Variants in DACH2 observed in about 807,000 individuals in gnomAD.
The protein encoded by DACH2 is dachshund family transcription factor 2, also known as dachshund homolog 2.
Under a neutral mutation model 35.8 loss-of-function variants are expected in DACH2, and 17 were observed. The observed-to-expected ratio is 0.48, with a 90% CI of 0.33 to 0.71. DACH2 has a LOEUF of 0.71. Among genes scored for constraint, DACH2 ranks in the 30% least tolerant of loss-of-function variants. The pLI is 0.02. For missense variants in DACH2, 469 were observed against 472.7 expected, an observed-to-expected ratio of 0.99 and a Z score of 0.07; for synonymous variants, 195 against 177.3, an observed-to-expected ratio of 1.10 and a Z score of -0.79.
intron 2 of DACH2, among the ~76,000 whole-genome samples, chrX:86,437,903 C>CAA: frequency 9.3e-6 from 1 of 107,264 alleles, no homozygotes; most frequent in South Asian, 4.1e-4. Flanking sequence ...ATTTTAGATT[C>CAA]AAGGGTAAAT....
intron 3 of DACH2, among the ~76,000 whole-genome samples, chrX:86,625,180 A>G (rs1389019474): frequency 1.9e-5 from 2 of 106,260 alleles, no homozygotes; most frequent in Non-Finnish European, 3.9e-5. Context: ...TCATTCAACT[A>G]TCCCATATCT....
Position 86,294,217 on chromosome X carries a change from G to A in DACH2, c.489-82607G>A, listed in dbSNP as rs1390646896. Among the ~76,000 whole-genome samples the A allele has an allele frequency of 1.4e-3, 157 of 111,170 alleles. 1 individual carries two copies. Among genetic ancestry groups the A allele is most frequent in the South Asian group, 4.2e-3 (11 of 2,606 alleles). On this transcript the variant is annotated intron_variant, in intron 1 of 11. Coordinates refer to ENST00000373125, the MANE Select transcript of DACH2 (RefSeq NM_053281.3). ...ACGCTTTCTTCCAGTTGATTGCATC[G>A]GCTCCTGAGGCTTCTGCATTCTTCA...
chrX:86,823,031 C>A (rs1008020180), intron 11 of DACH2, among the ~76,000 whole-genome samples: 2 of 111,137 alleles, frequency 1.8e-5, no homozygotes, highest in Admixed American at 1.9e-4. Context: ...CGGCTCACTG[C>A]GACCTCTGCC....
At chrX:86,455,806 A>G (rs2037464840) in intron 2 of DACH2, among the ~76,000 whole-genome samples, 1 of 112,273 alleles carries the variant, frequency 8.9e-6, no homozygotes, top group South Asian at 3.7e-4. Context: ...CCCACAGAAC[A>G]ATGCTGCTTG....
At chrX:86,246,689 C>G (rs149810981) in intron 1 of DACH2, among the ~76,000 whole-genome samples, 1,667 of 112,097 alleles carry the variant, frequency 0.015, 21 homozygotes, top group Middle Eastern at 0.041. Context: ...GGAAATGAGA[C>G]AGTTACCAGC....
At chrX:86,791,077 T>C (rs2042182777) in intron 7 of DACH2, among the ~76,000 whole-genome samples, 1 of 111,479 alleles carries the variant, frequency 9.0e-6, no homozygotes, top group Admixed American at 9.6e-5. Context: ...ATAAAGGTCT[T>C]CAACCTTACT....
chrX:86,224,488 C>T (rs187219725), intron 1 of DACH2, among the ~76,000 whole-genome samples: 1 of 111,201 alleles, frequency 9.0e-6, no homozygotes, highest in East Asian at 2.8e-4. Context: ...ACCCAAATTA[C>T]TTAGAAATTT....
intron 1 of DACH2, among the ~76,000 whole-genome samples, chrX:86,166,260 G>A (rs1393673466): frequency 1.8e-5 from 2 of 110,924 alleles, no homozygotes; most frequent in East Asian, 5.6e-4. Flanking sequence ...TTTGAAGTAA[G>A]GTAATAAAAC....
intron 1 of DACH2, among the ~76,000 whole-genome samples, chrX:86,284,127 A>G (rs759837965): frequency 9.0e-6 from 1 of 111,666 alleles, no homozygotes; most frequent in South Asian, 3.8e-4. Context: ...TAAAACGTCC[A>G]GTACTACGTT....
At chrX:86,590,016 A>T (rs1005204112) in intron 3 of DACH2, among the ~76,000 whole-genome samples, 10 of 111,663 alleles carry the variant, frequency 9.0e-5, no homozygotes, top group African/African-American at 3.3e-4. Flanking sequence ...ATAATAAATA[A>T]CTAAAGCAAG....
chrX:86,454,015 C>T (rs925836274), intron 2 of DACH2, among the ~76,000 whole-genome samples: 1 of 111,216 alleles, frequency 9.0e-6, no homozygotes, highest in African/African-American at 3.3e-5. Flanking sequence ...TGAAAAGCAG[C>T]TTTTTTCTCC....
At chrX:86,593,730 A>G (rs1182137548) in intron 3 of DACH2, among the ~76,000 whole-genome samples, 2 of 111,013 alleles carry the variant, frequency 1.8e-5, no homozygotes, top group Non-Finnish European at 3.8e-5. Flanking sequence ...CCTGGACAAT[A>G]TATTGTTGAA....
intron 3 of DACH2, among the ~76,000 whole-genome samples, chrX:86,633,212 G>A (rs1195500924): frequency 9.0e-6 from 1 of 110,523 alleles, no homozygotes; most frequent in Non-Finnish European, 1.9e-5. Flanking sequence ...AGCTCTAGTT[G>A]GACAAACTAA....
intron 1 of DACH2, among the ~76,000 whole-genome samples, chrX:86,151,951 A>G (rs1011708483): frequency 1.1e-3 from 120 of 111,207 alleles, no homozygotes; most frequent in African/African-American, 3.9e-3. Context: ...AAGAGCTTAT[A>G]GAGATGCCCC....
intron 2 of DACH2, among the ~76,000 whole-genome samples, chrX:86,438,310 G>T (rs776361935): frequency 5.1e-5 from 5 of 98,873 alleles, no homozygotes; most frequent in African/African-American, 1.9e-4. Flanking sequence ...TTCAACCTCC[G>T]CCTCCAGGGT....
intron 6 of DACH2, among the ~76,000 whole-genome samples, chrX:86,729,857 A>C (rs2041512860): frequency 9.0e-6 from 1 of 111,636 alleles, no homozygotes; most frequent in Admixed American, 9.5e-5. Flanking sequence ...AGGCCTCCCC[A>C]GAAGCAGACA....
chrX:86,169,671 C>G (rs2031059894), intron 1 of DACH2, among the ~76,000 whole-genome samples: 1 of 109,725 alleles, frequency 9.1e-6, no homozygotes, highest in South Asian at 4.0e-4. Flanking sequence ...ATTTTCAACT[C>G]AAAAATTTGT....
At chrX:86,217,326 C>T (rs1020525606) in intron 1 of DACH2, among the ~76,000 whole-genome samples, 2 of 111,197 alleles carry the variant, frequency 1.8e-5, no homozygotes, top group Non-Finnish European at 1.9e-5. Flanking sequence ...ACTTGCAAAT[C>T]GCTGTGCTCC....
rs921598504 is a variant in DACH2, at chrX:86,399,515, G to T, written c.527+22653G>T. On this transcript the variant is annotated intron_variant, in intron 2 of 11. Transcript: ENST00000373125. The stretch of plus-strand genomic sequence containing the variant: ...AATTTGGCATGTTTTTGCAGTGGCC[G>T]GTACCAGTTGTTCCTTTCCATGTTT... Among the ~76,000 whole-genome samples, 3 of 111,705 alleles carry T rather than the reference G, an allele frequency of 2.7e-5. No individual in the cohort carries two copies. In the Admixed American group the frequency reaches 2.9e-4, roughly 11 times the overall value.
Sources: gnomAD v4.1 joint callset for allele counts (sites outside exome capture counted in the v4.1 genomes callset) on GRCh38, gnomAD v4.1.1 for gene constraint, MANE v1.5 for transcripts, NCBI Gene and HGNC (gene_info 2026-07-23, HGNC 2026-07-21) for gene names.